The following OR51B5 variants were observed in gnomAD, a reference collection of about 807,000 sequenced individuals.
OR51B5 encodes olfactory receptor family 51 subfamily B member 5.
For missense variants in OR51B5, 456 were observed against 374.6 expected (o/e 1.22, Z -1.79); for synonymous variants, 186 against 144.8 (o/e 1.28, Z -2.04).
At chr11:5,465,041 C>T (rs936602804) in intron 1 of OR51B5, among the ~76,000 whole-genome samples, 5 of 151,872 alleles carry the variant, frequency 3.3e-5, no homozygotes, top group Non-Finnish European at 7.4e-5. Flanking sequence ...CCCGTCTCTA[C>T]TAAAAATACA....
At chr11:5,409,240 A>T (rs1306769347) in intron 1 of OR51B5, among the ~76,000 whole-genome samples, 1 of 152,152 alleles carries the variant, frequency 6.6e-6, no homozygotes, top group Non-Finnish European at 1.5e-5. Context: ...AACCTTGGAG[A>T]GGTAAACTGA....
chr11:5,416,624 A>G (rs1482839622), intron 1 of OR51B5, among the ~76,000 whole-genome samples: 2 of 149,498 alleles, frequency 1.3e-5, no homozygotes, highest in Non-Finnish European at 3.0e-5. Context: ...GCATTCTTAT[A>G]CACCAATAAT....
intron 1 of OR51B5, among the ~76,000 whole-genome samples, chr11:5,353,392 G>C (rs903292027): frequency 1.3e-5 from 2 of 152,148 alleles, no homozygotes; most frequent in African/African-American, 4.8e-5. Flanking sequence ...CTGGTTTAGG[G>C]GAACATCAGA....
upstream of OR51B5, among the ~76,000 whole-genome samples, chr11:5,345,546 G>T (rs543864845): frequency 6.6e-6 from 1 of 152,160 alleles, no homozygotes; most frequent in South Asian, 2.1e-4. Context: ...AGTCTGAGGG[G>T]GATACATATT....
At position 5,461,773 on chromosome 11, in the gene OR51B5, A is replaced by C. The variant is rs546975399; in HGVS notation, n.84+43796T>G. Among the ~76,000 whole-genome samples, 149 of 152,186 alleles carry C rather than the reference A, an allele frequency of 9.8e-4. 5 individuals are homozygous for C. The South Asian group carries it at 0.03, about 30-fold the overall frequency. ...GGCAAGAGTGGGTCACTACATGCCT[A>C]TGTTTCTCATCCCGTCCCTACCAGC... On this transcript the variant is annotated intron_variant and non_coding_transcript_variant, in intron 1 of 4. Transcript: ENST00000415970.
intron 1 of OR51B5, chr11:5,422,991 A>G (rs765145251): frequency 1.2e-6 from 2 of 1,614,016 alleles, no homozygotes; most frequent in Non-Finnish European, 1.7e-6. Flanking sequence ...TCTATGACTC[A>G]TCGCTTTGCC....
intron 1 of OR51B5, among the ~76,000 whole-genome samples, chr11:5,404,981 T>A (rs1850037864): frequency 6.6e-6 from 1 of 152,136 alleles, no homozygotes; most frequent in Non-Finnish European, 1.5e-5. Flanking sequence ...ACCTTGAGGG[T>A]CCTCGGCTTC....
chr11:5,387,531 A>G (rs1849716641), intron 1 of OR51B5, among the ~76,000 whole-genome samples: 1 of 152,224 alleles, frequency 6.6e-6, no homozygotes, highest in African/African-American at 2.4e-5. Context: ...CGAAGCTCAC[A>G]AGTATAATAA....
At chr11:5,360,178 A>C (rs1054233736) in intron 1 of OR51B5, among the ~76,000 whole-genome samples, 6 of 130,674 alleles carry the variant, frequency 4.6e-5, no homozygotes, top group African/African-American at 1.7e-4. Context: ...TCTGCACAGC[A>C]AAAGAAACTA....
At chr11:5,433,771 G>A (rs1324185762) in intron 1 of OR51B5, among the ~76,000 whole-genome samples, 1 of 152,022 alleles carries the variant, frequency 6.6e-6, no homozygotes, top group Admixed American at 6.6e-5. Flanking sequence ...GTTCCAGGCT[G>A]CAATGAGCTA....
chr11:5,472,015 G>T (rs1020853811), intron 1 of OR51B5, among the ~76,000 whole-genome samples: 2 of 152,134 alleles, frequency 1.3e-5, no homozygotes, highest in Admixed American at 1.3e-4. Context: ...CCCAATCAAA[G>T]GTTCCCTTCT....
intron 1 of OR51B5, chr11:5,354,891 A>G (rs530877116): frequency 4.4e-4 from 77 of 176,068 alleles, no homozygotes; most frequent in African/African-American, 1.7e-3. Flanking sequence ...GAAGCAATCA[A>G]AGGCATTCAA....
intron 1 of OR51B5, among the ~76,000 whole-genome samples, chr11:5,366,124 G>T (rs142808132): frequency 6.6e-6 from 1 of 152,280 alleles, no homozygotes; most frequent in East Asian, 1.9e-4. Context: ...TGACTTAGAG[G>T]TGAACCCAGT....
chr11:5,355,631 C>T (rs930165760), intron 1 of OR51B5: 2 of 152,374 alleles, frequency 1.3e-5, no homozygotes. Flanking sequence ...AAAATATCAT[C>T]TTCACAGACT....
chr11:5,429,285 T>A (rs1850497060), intron 1 of OR51B5, among the ~76,000 whole-genome samples: 1 of 152,098 alleles, frequency 6.6e-6, no homozygotes, highest in African/African-American at 2.4e-5. Context: ...CTAGTGTCAA[T>A]AAATTCTTCA....
intron 1 of OR51B5, among the ~76,000 whole-genome samples, chr11:5,470,133 C>G (rs113297634): frequency 2.3e-4 from 35 of 152,284 alleles, no homozygotes; most frequent in African/African-American, 7.5e-4. Flanking sequence ...TTAAAATATT[C>G]CTTTCCTCAG....
At chr11:5,345,837 C>T (rs1235156612), upstream of OR51B5, 3 of 152,172 alleles carry the variant, frequency 2.0e-5, no homozygotes, top group Non-Finnish European at 2.9e-5. Context: ...GACAACTGGG[C>T]GTGAGGCAAC....
intron 1 of OR51B5, among the ~76,000 whole-genome samples, chr11:5,421,613 T>C (rs1217278342): frequency 6.6e-6 from 1 of 152,162 alleles, no homozygotes; most frequent in African/African-American, 2.4e-5. Flanking sequence ...CAGAAGACAT[T>C]AGCTAATGAG....
chr11:5,384,398 T>G lies in OR51B5; in HGVS notation n.85-37488A>C, dbSNP rs556655690. Among the ~76,000 whole-genome samples, 3 of 152,302 alleles carry G rather than the reference T, an allele frequency of 2.0e-5. No individual in the cohort carries two copies. The South Asian group carries it at 6.2e-4, about 32-fold the overall frequency. On this transcript the variant is annotated intron_variant and non_coding_transcript_variant, in intron 1 of 4. Transcript: ENST00000415970. ...CTTAGAAACCAGGGTTCTCACAGAA[T>G]CTCTTCTGATATTCTCAGAGTCTAT...
Sources: allele counts gnomAD v4.1 joint callset (sites outside exome capture counted in the v4.1 genomes callset), GRCh38; gene constraint gnomAD v4.1.1; transcripts MANE v1.5; gene names NCBI Gene and HGNC (gene_info 2026-07-23, HGNC 2026-07-21).